The following UGGT1 variants were observed in gnomAD, a reference collection of about 807,000 sequenced individuals.
UGGT1 encodes UDP-glucose:glycoprotein glucosyltransferase 1.
UGGT1 carries 107 observed loss-of-function variants against 203.9 expected under a neutral mutation model. That is an observed-to-expected ratio of 0.52 (90% CI 0.45 to 0.62). The LOEUF is 0.62. UGGT1 is among the 20% of genes least tolerant of loss of function. The pLI, the probability that UGGT1 is intolerant of heterozygous loss-of-function variation, is 0.00. For missense variants in UGGT1, 1,673 were observed against 1,867.2 expected, an observed-to-expected ratio of 0.90 and a Z score of 1.92; for synonymous variants, 628 against 653.5, an observed-to-expected ratio of 0.96 and a Z score of 0.59.
chr2:128,137,075 T>A (rs941134852), intron 15 of UGGT1, among the ~76,000 whole-genome samples: 1 of 152,256 alleles, frequency 6.6e-6, no homozygotes, highest in Non-Finnish European at 1.5e-5. Flanking sequence ...CCTGCCCTTT[T>A]GTCTCCATTT....
chr2:128,183,597 C>T (rs1691818791), intron 37 of UGGT1, 78 bp from the exon 38 acceptor site: 2 of 1,041,582 alleles, frequency 1.9e-6, no homozygotes, highest in East Asian at 2.4e-5. Flanking sequence ...GGCTAGTGGC[C>T]TGTTCCATTA....
At chr2:128,094,772 G>A (rs1030281563) in intron 1 of UGGT1, among the ~76,000 whole-genome samples, 5 of 113,490 alleles carry the variant, frequency 4.4e-5, no homozygotes, top group Non-Finnish European at 8.4e-5. Context: ...TTTTTGAGAC[G>A]GAGTCTCTCT....
intron 2 of UGGT1, among the ~76,000 whole-genome samples, chr2:128,100,939 TCAC>T (rs1195762040): frequency 6.6e-6 from 1 of 152,212 alleles, no homozygotes. Context: ...ACTGTTTTCT[TCAC>T]CAACTTCCTT....
intron 5 of UGGT1, among the ~76,000 whole-genome samples, chr2:128,112,668 G>T (rs1185942639): frequency 6.8e-6 from 1 of 148,132 alleles, no homozygotes; most frequent in African/African-American, 2.5e-5. Flanking sequence ...CTGCACCCTC[G>T]ACCTCTGGGG....
chr2:128,100,475 C>T (rs924926402), intron 2 of UGGT1, among the ~76,000 whole-genome samples: 2 of 150,646 alleles, frequency 1.3e-5, no homozygotes, highest in African/African-American at 2.4e-5. Flanking sequence ...GGCGTGATCT[C>T]GGCTCACCGC....
In UGGT1 at chr2:128,159,072, G is replaced by A. The variant is rs1690385111; in HGVS notation, c.2356-442G>A. On this transcript the variant is annotated intron_variant, in intron 22 of 40. Transcript: ENST00000259253. ...TGGCATTTTTAATTTTATTTTGAAT[G>A]AGGAGGAGAACTATCTGAGACTTTT... 2.0e-5 allele frequency among the ~76,000 whole-genome samples: 3 copies of A among 149,488 alleles called. No individual in the cohort carries two copies. The South Asian group carries it at 6.4e-4, about 32-fold the overall frequency.
intron 8 of UGGT1, 48 bp from the exon 9 acceptor site, chr2:128,120,308 C>T (rs1002900227): frequency 9.6e-6 from 15 of 1,565,626 alleles, no homozygotes; most frequent in East Asian, 2.3e-5. Flanking sequence ...TCTTATGCTC[C>T]GGGAAAGAAA....
At chr2:128,178,668 C>A (rs767892644) in intron 34 of UGGT1, 99 bp downstream of exon 34, 2 of 1,043,902 alleles carry the variant, frequency 1.9e-6, no homozygotes, top group Middle Eastern at 3.1e-4. Context: ...CATTATACTC[C>A]TGTGTCTTTG....
intron 1 of UGGT1, 139 bp downstream of exon 1, chr2:128,091,554 T>C (rs1186378999): frequency 6.9e-7 from 1 of 1,440,780 alleles, no homozygotes; most frequent in African/African-American, 1.5e-5. Flanking sequence ...CCTTCCCCTA[T>C]TCGCGAGCGC....
chr2:128,107,845 C>T, intron 3 of UGGT1, 93 bp from the exon 4 acceptor site: 1 of 1,554,788 alleles, frequency 6.4e-7, no homozygotes. Flanking sequence ...CCTTCACATA[C>T]CTTTGTAAAC....
chr2:128,101,190 C>A (rs542292856), intron 2 of UGGT1, among the ~76,000 whole-genome samples: 1 of 152,166 alleles, frequency 6.6e-6, no homozygotes, highest in Non-Finnish European at 1.5e-5. Context: ...ACCTCCAGAG[C>A]TAGCAGAGCC....
intron 35 of UGGT1, 30 bp downstream of exon 35, chr2:128,179,900 C>A: frequency 6.4e-7 from 1 of 1,572,146 alleles, no homozygotes; most frequent in East Asian, 2.2e-5. Context: ...GGAAAACATT[C>A]TTATTAAGGA....
rs767257452 is a variant in UGGT1, at chr2:128,164,865, T to G, written c.2921+40T>G. 8 of 1,468,296 alleles carry G rather than the reference T, an allele frequency of 5.4e-6. No individual in the cohort carries two copies. The Admixed American group carries it at 1.8e-4, about 33-fold the overall frequency. 91.0% of individuals were successfully genotyped at this position (1,468,296 alleles called of 1,614,324 possible). On this transcript the variant is annotated intron_variant, in intron 26 of 40. Transcript: ENST00000259253. The stretch of plus-strand genomic sequence containing the variant: ...TTGAATTTGTGCATATTCTTGAATA[T>G]TAAACTCTTATGTTTGCTTTACCTC...
rs1282251870 is a variant in UGGT1 at position 128,138,802 on chromosome 2, T to C, written c.1669T>C (p.Tyr557His). ...AGTGGCTGTTCTTAGAGCATATAATTATGTTGCCCAAGAAGTGGATGATTA... is the reference window on the plus strand; with the variant it reads ...AGTGGCTGTTCTTAGAGCATATAATCATGTTGCCCAAGAAGTGGATGATTA... ...AGVAVLRAYN[Y>H]VAQEVDDYHA... is the part of the protein sequence containing the mutation. Residue 557 changes from tyrosine (Y) to histidine (H), a missense_variant, in exon 16 of 41, where the codon TAT (tyrosine) becomes CAT (histidine). By Grantham distance (83) the Tyr-to-His change is moderately conservative. Coordinates refer to ENST00000259253, the MANE Select transcript of UGGT1 (RefSeq NM_020120.4). 1.9e-6 allele frequency: 3 copies of C among 1,614,070 alleles called. No individual in the cohort carries two copies. In the African/African-American group the frequency reaches 4.0e-5, roughly 22 times the overall value.
intron 16 of UGGT1, among the ~76,000 whole-genome samples, chr2:128,142,332 T>C (rs1276566698): frequency 6.7e-6 from 1 of 149,562 alleles, no homozygotes; most frequent in Admixed American, 6.7e-5. Flanking sequence ...ATGCCTGTAA[T>C]CCCAGCACTT....
At position 128,192,578 on chromosome 2, in the gene UGGT1, CAG is replaced by C. The variant is rs1692319518; in HGVS notation, c.*2839_*2840del. 1 of 152,088 alleles carries C rather than the reference CAG, an allele frequency of 6.6e-6. No homozygotes were observed. The highest frequency in any genetic ancestry group is 2.1e-4 in the South Asian group (1 of 4,832). 9.4% of individuals were successfully genotyped at this position (152,088 alleles called of 1,614,324 possible). ...AGTAATATGAAATAATGTGATATGT[CAG>C]AGTGACATGCAGCATCCTGAGCCTG... On this transcript the variant is annotated 3_prime_UTR_variant, in exon 41 of 41. Transcript: ENST00000259253.
intron 18 of UGGT1, among the ~76,000 whole-genome samples, chr2:128,147,712 A>G (rs1454647478): frequency 6.6e-6 from 1 of 151,926 alleles, no homozygotes; most frequent in Non-Finnish European, 1.5e-5. Context: ...CTGGACTTAA[A>G]TGATCTTCCC....
intron 2 of UGGT1, among the ~76,000 whole-genome samples, chr2:128,100,018 ACC>A (rs373235190): frequency 2.9e-5 from 1 of 34,940 alleles, no homozygotes; most frequent in African/African-American, 1.0e-4. Flanking sequence ...GAGATTTACA[ACC>A]CCCCCCCCCA....
chr2:128,092,605 C>CTTTTTTTTT (rs55814829), intron 1 of UGGT1, among the ~76,000 whole-genome samples: 57 of 126,584 alleles, frequency 4.5e-4, no homozygotes, highest in Non-Finnish European at 5.8e-4. Flanking sequence ...TTCTTTCTTT[C>CTTTTTTTTT]TTTTTTTTTT....
Sources: allele counts gnomAD v4.1 joint callset (sites outside exome capture counted in the v4.1 genomes callset), GRCh38; gene constraint gnomAD v4.1.1; transcripts MANE v1.5; gene names NCBI Gene and HGNC (gene_info 2026-07-23, HGNC 2026-07-21).